Variants in SLC25A26 observed in about 807,000 individuals in gnomAD.
SLC25A26 encodes solute carrier family 25 member 26.
A neutral mutation model predicts 37.8 loss-of-function variants in SLC25A26; 36 were observed. The ratio of observed to expected loss-of-function variants is 0.95; its 90% confidence interval spans 0.73 to 1.26. SLC25A26 has a LOEUF of 1.26. Among genes scored for constraint, SLC25A26 ranks in the 50% most tolerant of loss-of-function variants. The probability of loss-of-function intolerance (pLI) is 0.00; values close to 1 mark genes in which losing one functional copy is unlikely to be tolerated. For synonymous variants in SLC25A26, 129 were observed against 122.5 expected, an observed-to-expected ratio of 1.05 and a Z score of -0.35; for missense variants, 390 against 331.1, an observed-to-expected ratio of 1.18 and a Z score of -1.38.
intron 5 of SLC25A26, among the ~76,000 whole-genome samples, chr3:66,287,933 G>A (rs1348277984): frequency 2.0e-5 from 3 of 152,294 alleles, no homozygotes; most frequent in African/African-American, 2.4e-5. Flanking sequence ...TCACTCAAAC[G>A]TTTGCTGTAG....
intron 6 of SLC25A26, among the ~76,000 whole-genome samples, chr3:66,357,514 T>C (rs979180324): frequency 2.6e-5 from 4 of 152,164 alleles, no homozygotes; most frequent in African/African-American, 9.7e-5. Context: ...TTTAAATTCC[T>C]TATTGTTATT....
At chr3:66,276,096 G>C (rs949338446) in intron 5 of SLC25A26, among the ~76,000 whole-genome samples, 3 of 152,054 alleles carry the variant, frequency 2.0e-5, no homozygotes, top group Non-Finnish European at 4.4e-5. Context: ...GTTTATCTGT[G>C]GGTTCGACTA....
At chr3:66,212,344 G>A (rs1361495534) in intron 1 of SLC25A26, among the ~76,000 whole-genome samples, 1 of 151,874 alleles carries the variant, frequency 6.6e-6, no homozygotes, top group Non-Finnish European at 1.5e-5. Flanking sequence ...TCAGACTCCT[G>A]GCTTGAAGTA....
rs532992501 is a variant in SLC25A26, at chr3:66,291,416, T to G, written c.453+28037T>G. On this transcript the variant is annotated intron_variant, in intron 5 of 9. Coordinates refer to ENST00000354883, the MANE Select transcript of SLC25A26 (RefSeq NM_001379210.1). ...TGTTAGCATGTCTATTTTAGATCTTTCCTGCTTTCTCCTGTTGGCATTTAG... is the reference window on the plus strand; with the variant it reads ...TGTTAGCATGTCTATTTTAGATCTTGCCTGCTTTCTCCTGTTGGCATTTAG... Among the ~76,000 whole-genome samples, 3 of 152,356 alleles carry G rather than the reference T, an allele frequency of 2.0e-5. No homozygotes were observed. The East Asian group carries it at 5.8e-4, about 29-fold the overall frequency.
At chr3:66,174,355 A>G (rs1250105140) in intron 1 of SLC25A26, among the ~76,000 whole-genome samples, 3 of 152,164 alleles carry the variant, frequency 2.0e-5, no homozygotes, top group Admixed American at 6.5e-5. Context: ...TTTTGCACCA[A>G]ACTTTCTAGA....
intron 1 of SLC25A26, among the ~76,000 whole-genome samples, chr3:66,228,340 A>G (rs143354147): frequency 2.0e-5 from 3 of 152,286 alleles, no homozygotes; most frequent in African/African-American, 7.2e-5. Flanking sequence ...TTAGTATTTG[A>G]TAACTTAGCT....
chr3:66,177,133 T>C (rs985366582), intron 1 of SLC25A26, among the ~76,000 whole-genome samples: 2 of 152,128 alleles, frequency 1.3e-5, no homozygotes, highest in African/African-American at 2.4e-5. Context: ...ATATGTTTAA[T>C]CAAAAGAAAG....
chr3:66,245,299 G>T (rs1451265452), intron 3 of SLC25A26, among the ~76,000 whole-genome samples: 2 of 149,018 alleles, frequency 1.3e-5, no homozygotes, highest in East Asian at 3.9e-4. Context: ...GAGGAGAAAT[G>T]TATAATACAA....
chr3:66,181,126 C>G (rs1275337448), intron 1 of SLC25A26, among the ~76,000 whole-genome samples: 1 of 152,208 alleles, frequency 6.6e-6, no homozygotes, highest in Non-Finnish European at 1.5e-5. Context: ...GCTGCTTGGT[C>G]TGTGGTATTC....
At chr3:66,245,777 TGAA>T (rs2072807808) in intron 3 of SLC25A26, among the ~76,000 whole-genome samples, 1 of 152,150 alleles carries the variant, frequency 6.6e-6, no homozygotes, top group African/African-American at 2.4e-5. Flanking sequence ...AAAGTTAACA[TGAA>T]GAAGATTTTT....
intron 5 of SLC25A26, chr3:66,293,005 A>G (rs1164057917): frequency 6.6e-6 from 1 of 151,498 alleles, no homozygotes; most frequent in African/African-American, 2.4e-5. Flanking sequence ...TTTTTTCTCT[A>G]ATCTTGTCTT....
rs147678590 is a variant in SLC25A26 at position 66,181,902 on chromosome 3, G to A, written c.-353-38840G>A. Among the ~76,000 whole-genome samples, 529 of 147,616 alleles carry A rather than the reference G, an allele frequency of 3.6e-3. 4 individuals carry two copies. Among genetic ancestry groups the A allele is most frequent in the African/African-American group, 0.012 (488 of 40,136 alleles). ...TCTTGTTCGTTTGGACCTGGATGTTGTGTGTGTGTGCATGAGCAAGCCTGC... is the reference window on the plus strand; with the variant it reads ...TCTTGTTCGTTTGGACCTGGATGTTATGTGTGTGTGCATGAGCAAGCCTGC... On this transcript the variant is annotated intron_variant, in intron 1 of 10. Transcript: ENST00000676754.
intron 5 of SLC25A26, among the ~76,000 whole-genome samples, chr3:66,340,042 G>T (rs1301768679): frequency 6.6e-6 from 1 of 151,990 alleles, no homozygotes; most frequent in African/African-American, 2.4e-5. Flanking sequence ...GGGTTATGAG[G>T]TAAGGGTCCA....
intron 3 of SLC25A26, among the ~76,000 whole-genome samples, chr3:66,260,016 T>C (rs2073458835): frequency 6.6e-6 from 1 of 152,174 alleles, no homozygotes; most frequent in Admixed American, 6.5e-5. Flanking sequence ...TGCTTTTGTA[T>C]TTATGTACTT....
intron 5 of SLC25A26, among the ~76,000 whole-genome samples, chr3:66,320,227 A>T (rs1029972475): frequency 7.2e-5 from 11 of 152,144 alleles, no homozygotes; most frequent in African/African-American, 2.7e-4. Flanking sequence ...ATCACTCCAG[A>T]TACAAACTCT....
intron 1 of SLC25A26, among the ~76,000 whole-genome samples, chr3:66,135,699 G>T (rs1243545816): frequency 6.6e-6 from 1 of 152,170 alleles, no homozygotes; most frequent in East Asian, 1.9e-4. Context: ...AGCCTGGGAG[G>T]TTGAGGCTTC....
rs918258824 is a variant in SLC25A26 at position 66,213,866 on chromosome 3, G to T, written c.-353-6876G>T. On this transcript the variant is annotated intron_variant, in intron 1 of 10. Coordinates refer to the SLC25A26 transcript ENST00000676754. ...AATCACTTGAACCCAGGAGGCAGAGGTTGCAGTGAGCTGAGGTCTTAACGC... is the reference window on the plus strand; with the variant it reads ...AATCACTTGAACCCAGGAGGCAGAGTTTGCAGTGAGCTGAGGTCTTAACGC... Among the ~76,000 whole-genome samples the T allele has an allele frequency of 0.015, 2,274 of 152,184 alleles. 148 individuals carry two copies. The East Asian group carries it at 0.19, about 13-fold the overall frequency.
chr3:66,290,810 A>T (rs962248604), intron 5 of SLC25A26, among the ~76,000 whole-genome samples: 9 of 152,174 alleles, frequency 5.9e-5, no homozygotes, highest in African/African-American at 2.2e-4. Flanking sequence ...TTTTGGTATC[A>T]GGATGATGTT....
chr3:66,280,954 A>G (rs2074315601), intron 5 of SLC25A26, among the ~76,000 whole-genome samples: 1 of 152,156 alleles, frequency 6.6e-6, no homozygotes, highest in Non-Finnish European at 1.5e-5. Context: ...ATATTATCTA[A>G]TATGTGGTCA....
Sources: gnomAD v4.1 joint callset for allele counts (sites outside exome capture counted in the v4.1 genomes callset) on GRCh38, gnomAD v4.1.1 for gene constraint, MANE v1.5 for transcripts, NCBI Gene and HGNC (gene_info 2026-07-23, HGNC 2026-07-21) for gene names.